The following INPP4B variants were observed in gnomAD, a reference collection of about 807,000 sequenced individuals.
INPP4B encodes inositol polyphosphate 4-phosphatase type II.
A neutral mutation model predicts 122.5 loss-of-function variants in INPP4B; 55 were observed. The ratio of observed to expected loss-of-function variants is 0.45; its 90% CI spans 0.36 to 0.56. INPP4B has a LOEUF of 0.56. Among genes scored for constraint, INPP4B ranks in the 20% least tolerant of loss-of-function variants. The pLI, the probability that INPP4B is intolerant of heterozygous loss-of-function variation, is 0.00. For synonymous variants in INPP4B, 403 were observed against 388.7 expected (o/e 1.04, Z -0.43); for missense variants, 1,000 against 1,097.7 (o/e 0.91, Z 1.26).
At chr4:142,290,008 C>T (rs1376765418) in intron 9 of INPP4B, among the ~76,000 whole-genome samples, 2 of 151,916 alleles carry the variant, frequency 1.3e-5, no homozygotes, top group African/African-American at 4.8e-5. Flanking sequence ...CTGACTGGTC[C>T]CCCTGATTTC....
chr4:142,077,075 A>G (rs1771170513), intron 25 of INPP4B, among the ~76,000 whole-genome samples: 1 of 152,018 alleles, frequency 6.6e-6, no homozygotes, highest in Non-Finnish European at 1.5e-5. Context: ...TGCTCCCCCA[A>G]CAGATAAATT....
chr4:142,048,923 C>A (rs1407314179), intron 25 of INPP4B, among the ~76,000 whole-genome samples: 1 of 151,808 alleles, frequency 6.6e-6, no homozygotes, highest in East Asian at 1.9e-4. Context: ...ATATCAATGC[C>A]AAAGGACACA....
At chr4:142,148,276 G>T (rs1242359189) in intron 17 of INPP4B, among the ~76,000 whole-genome samples, 3 of 152,002 alleles carry the variant, frequency 2.0e-5, no homozygotes, top group African/African-American at 7.2e-5. Flanking sequence ...CATGTATGTG[G>T]CACAGTTGGC....
chr4:142,238,669 G>C (rs1283750680), intron 11 of INPP4B, among the ~76,000 whole-genome samples: 1 of 152,056 alleles, frequency 6.6e-6, no homozygotes, highest in East Asian at 1.9e-4. Context: ...TCAGAAGCAA[G>C]GCAGAGAGAC....
intron 1 of INPP4B, among the ~76,000 whole-genome samples, chr4:142,738,131 A>G (rs1767270160): frequency 6.6e-6 from 1 of 152,218 alleles, no homozygotes. Flanking sequence ...AGGATTATAA[A>G]TCATGCTGCT....
At chr4:142,328,228 G>T (rs572386650) in intron 7 of INPP4B, among the ~76,000 whole-genome samples, 1 of 152,278 alleles carries the variant, frequency 6.6e-6, no homozygotes, top group South Asian at 2.1e-4. Flanking sequence ...AGAAAAAAAA[G>T]TATTTCAAGC....
intron 23 of INPP4B, among the ~76,000 whole-genome samples, chr4:142,106,872 T>C (rs993544921): frequency 2.0e-5 from 3 of 152,144 alleles, no homozygotes; most frequent in Non-Finnish European, 4.4e-5. Flanking sequence ...AGAAATATAA[T>C]TTTTATCAAG....
Position 142,028,349 on chromosome 4 carries a change from C to T in INPP4B, c.*433G>A, listed in dbSNP as rs562910766. ...CATTGATTCTCAGGTTGACTGTGTT[C>T]TCATAGGCTATTAAGTTGTATCACA... On this transcript the variant is annotated 3_prime_UTR_variant, in exon 26 of 26. Coordinates refer to ENST00000262992, the MANE Select transcript of INPP4B (RefSeq NM_001101669.3). 8 of 231,206 alleles carry T rather than the reference C, an allele frequency of 3.5e-5. No individual in the cohort carries two copies. Among genetic ancestry groups the T allele is most frequent in the Non-Finnish European group, 6.8e-5 (8 of 116,944 alleles). 14.3% of individuals were successfully genotyped at this position (231,206 alleles called of 1,614,324 possible). A position where few individuals can be genotyped will look rare whatever the true frequency, so the allele number is the denominator to read the frequency against.
chr4:142,569,444 T>C (rs1435409952), intron 2 of INPP4B, among the ~76,000 whole-genome samples: 1 of 152,110 alleles, frequency 6.6e-6, no homozygotes, highest in South Asian at 2.1e-4. Flanking sequence ...GTTTCATAAA[T>C]GTTAAATCAC....
At chr4:142,689,932 T>C (rs553842389) in intron 2 of INPP4B, among the ~76,000 whole-genome samples, 1 of 152,320 alleles carries the variant, frequency 6.6e-6, no homozygotes, top group African/African-American at 2.4e-5. Flanking sequence ...CAGACTTTCC[T>C]TATCTTGCAA....
chr4:142,186,327 A>G (rs1274459841), intron 15 of INPP4B, among the ~76,000 whole-genome samples: 5 of 152,234 alleles, frequency 3.3e-5, no homozygotes, highest in Admixed American at 3.3e-4. Flanking sequence ...TTTACAGATG[A>G]GGAAACTAAG....
At chr4:142,837,918 C>T (rs543922094) in intron 1 of INPP4B, among the ~76,000 whole-genome samples, 3 of 151,966 alleles carry the variant, frequency 2.0e-5, no homozygotes, top group Admixed American at 2.0e-4. Context: ...AAAAACATTA[C>T]CAATAATCTT....
At chr4:142,494,505 C>T (rs987966773) in intron 2 of INPP4B, among the ~76,000 whole-genome samples, 14 of 152,092 alleles carry the variant, frequency 9.2e-5, no homozygotes, top group Non-Finnish European at 1.6e-4. Context: ...TTTAGCTTTC[C>T]TTGTGTGCAA....
chr4:142,352,228 C>G (rs2646084), intron 7 of INPP4B, among the ~76,000 whole-genome samples: 3,004 of 152,014 alleles, frequency 0.02, 37 homozygotes, highest in Non-Finnish European at 0.031. Flanking sequence ...GCCCTGGCAG[C>G]AAAGCCTAAT....
At chr4:142,464,401 T>G (rs546154069) in intron 2 of INPP4B, among the ~76,000 whole-genome samples, 1 of 152,114 alleles carries the variant, frequency 6.6e-6, no homozygotes, top group Non-Finnish European at 1.5e-5. Flanking sequence ...ATGTCAATAA[T>G]GCAGATGAGA....
At chr4:142,728,859 T>C (rs1460435401) in intron 1 of INPP4B, among the ~76,000 whole-genome samples, 4 of 152,242 alleles carry the variant, frequency 2.6e-5, no homozygotes, top group African/African-American at 7.2e-5. Flanking sequence ...TTAGTGGTAA[T>C]GTGTTATGGC....
intron 7 of INPP4B, among the ~76,000 whole-genome samples, chr4:142,398,445 T>TATATATATAAA (rs749321202): frequency 2.3e-4 from 17 of 74,552 alleles, no homozygotes; most frequent in Non-Finnish European, 3.7e-4. Context: ...TATATATATA[T>TATATATATAAA]AAAACATATT....
At chr4:142,318,937 T>C (rs1468781916) in intron 7 of INPP4B, among the ~76,000 whole-genome samples, 1 of 152,190 alleles carries the variant, frequency 6.6e-6, no homozygotes, top group Non-Finnish European at 1.5e-5. Context: ...CTCATATTTA[T>C]GCAAGACATA....
intron 9 of INPP4B, among the ~76,000 whole-genome samples, chr4:142,301,390 A>G (rs1027776274): frequency 6.6e-6 from 1 of 152,158 alleles, no homozygotes; most frequent in South Asian, 2.1e-4. Context: ...TAAAATGGAC[A>G]AGGAAGAAAA....
Sources: allele counts gnomAD v4.1 joint callset (sites outside exome capture counted in the v4.1 genomes callset), GRCh38; gene constraint gnomAD v4.1.1; transcripts MANE v1.5; gene names NCBI Gene and HGNC (gene_info 2026-07-23, HGNC 2026-07-21).